ATG10: variants seen among roughly 807,000 people sequenced by gnomAD.
The protein encoded by ATG10 is ubiquitin-like-conjugating enzyme ATG10.
ATG10 carries 30 observed loss-of-function variants against 32.1 expected under a neutral mutation model. The observed-to-expected ratio is 0.94, with a 90% confidence interval of 0.70 to 1.27. The LOEUF is 1.27. Ranked by LOEUF, ATG10 falls within the 50% of genes most tolerant of loss-of-function variation. The pLI is 0.00. For missense variants in ATG10, 233 were observed against 262.3 expected, an observed-to-expected ratio of 0.89 and a Z score of 0.77; for synonymous variants, 87 against 91.5, an observed-to-expected ratio of 0.95 and a Z score of 0.28.
chr5:82,139,811 C>T (rs62365413), intron 3 of ATG10, among the ~76,000 whole-genome samples: 4 of 138,506 alleles, frequency 2.9e-5, no homozygotes, highest in African/African-American at 8.2e-5. Context: ...CCCCTCAGCC[C>T]GGCCAGCCAC....
chr5:82,008,093 A>G (rs1332152176), intron 2 of ATG10, among the ~76,000 whole-genome samples: 1 of 152,074 alleles, frequency 6.6e-6, no homozygotes, highest in Non-Finnish European at 1.5e-5. Context: ...CTTCCAGTTT[A>G]CCTTATAGAT....
intron 5 of ATG10, among the ~76,000 whole-genome samples, chr5:82,220,158 G>A (rs1745857667): frequency 1.3e-5 from 2 of 152,210 alleles, no homozygotes; most frequent in Admixed American, 6.5e-5. Flanking sequence ...TGAGCAGTGC[G>A]TGCAGGGTCA....
chr5:82,245,885 A>C (rs1217460329), intron 5 of ATG10, among the ~76,000 whole-genome samples: 1 of 152,132 alleles, frequency 6.6e-6, no homozygotes. Flanking sequence ...TTGAGTGTTG[A>C]AGCATGTACA....
At chr5:82,234,086 G>A (rs1581834047) in intron 5 of ATG10, among the ~76,000 whole-genome samples, 2 of 152,144 alleles carry the variant, frequency 1.3e-5, no homozygotes, top group South Asian at 4.1e-4. Context: ...GGCGATTTTA[G>A]TAAGATTTGT....
At chr5:82,096,667 T>C (rs1765075981) in intron 3 of ATG10, among the ~76,000 whole-genome samples, 1 of 152,166 alleles carries the variant, frequency 6.6e-6, no homozygotes, top group South Asian at 2.1e-4. Context: ...TCAGTGTCTG[T>C]TCACTGATAT....
chr5:82,065,887 C>T (rs1763928897), intron 3 of ATG10, among the ~76,000 whole-genome samples: 2 of 151,952 alleles, frequency 1.3e-5, no homozygotes, highest in South Asian at 4.2e-4. Flanking sequence ...TGCAAAATAG[C>T]TGCTAAACTT....
chr5:81,975,306 G>T (rs1760837310), intron 1 of ATG10, among the ~76,000 whole-genome samples: 1 of 152,212 alleles, frequency 6.6e-6, no homozygotes, highest in Admixed American at 6.5e-5. Flanking sequence ...ACTTTGAGAA[G>T]AATGTGTATT....
chr5:81,978,678 T>G (rs1430051003), intron 1 of ATG10, among the ~76,000 whole-genome samples: 2 of 152,066 alleles, frequency 1.3e-5, no homozygotes, highest in Non-Finnish European at 2.9e-5. Context: ...TTTGTTTGTT[T>G]TAGAGACAGG....
chr5:82,040,979 T>C (rs1232584338), intron 2 of ATG10, among the ~76,000 whole-genome samples: 1 of 152,186 alleles, frequency 6.6e-6, no homozygotes, highest in Admixed American at 6.5e-5. Flanking sequence ...TTTTACTTTA[T>C]TTAGATGCCT....
In ATG10 at chr5:82,031,377, C is replaced by CTAT. The variant is rs527684933; in HGVS notation, c.109-27118_109-27117insTAT. On this transcript the variant is annotated intron_variant, in intron 2 of 7. Coordinates refer to ENST00000282185, the MANE Select transcript of ATG10 (RefSeq NM_031482.5). ...TGTTGCTAGTGTATCCAGAGCAACA[C>CTAT]ACATAGGTTATCAAGACCTTGGAGC... Among the ~76,000 whole-genome samples, 20 of 152,230 alleles carry CTAT rather than the reference C, an allele frequency of 1.3e-4. No homozygotes were observed. The South Asian group carries it at 4.2e-3, about 32-fold the overall frequency.
At chr5:82,022,415 A>C (rs1762468826) in intron 2 of ATG10, among the ~76,000 whole-genome samples, 1 of 142,376 alleles carries the variant, frequency 7.0e-6, no homozygotes, top group African/African-American at 2.6e-5. Flanking sequence ...TGCAGCCTCC[A>C]CCTCCCAGGT....
chr5:82,079,337 AAG>A (rs896840617), intron 3 of ATG10, among the ~76,000 whole-genome samples: 8 of 151,988 alleles, frequency 5.3e-5, no homozygotes, highest in African/African-American at 1.7e-4. Flanking sequence ...GCAGCAGGCA[AAG>A]AGAGAGAGAG....
intron 3 of ATG10, among the ~76,000 whole-genome samples, chr5:82,131,669 C>A (rs1404605305): frequency 6.6e-6 from 1 of 151,168 alleles, no homozygotes; most frequent in Non-Finnish European, 1.5e-5. Flanking sequence ...CACTTTCTAG[C>A]CCTGTGATCT....
chr5:82,081,187 G>C (rs1764467058), intron 3 of ATG10, among the ~76,000 whole-genome samples: 1 of 152,196 alleles, frequency 6.6e-6, no homozygotes, highest in Admixed American at 6.5e-5. Context: ...AAGAATGCTT[G>C]TGATTTTTGC....
Position 82,164,448 on chromosome 5 carries a change from C to T in ATG10, c.266C>T (p.Ala89Val). The T allele has an allele frequency of 1.2e-6, 2 of 1,613,818 alleles. No individual in the cohort carries two copies. Among genetic ancestry groups the T allele is most frequent in the Non-Finnish European group, 1.7e-6 (2 of 1,179,792 alleles). ...GATTGTGAAGTGATTGAAACTGCAG[C>T]AGCGTCCGAAGTGATTAAATATGAG... ...LDDCEVIETA[A>V]ASEVIKYEYH... Residue 89 changes from alanine (A) to valine (V), a missense_variant, in exon 4 of 8, where the codon GCA (alanine) becomes GTA (valine). Physicochemically the swap from Ala to Val is moderately conservative, Grantham distance 64. Coordinates refer to ENST00000282185, the MANE Select transcript of ATG10 (RefSeq NM_031482.5).
rs566187000 is a variant in ATG10 at position 82,085,167 on chromosome 5, G to A, written c.216+26565G>A. On this transcript the variant is annotated intron_variant, in intron 3 of 7. Coordinates refer to ENST00000282185, the MANE Select transcript of ATG10 (RefSeq NM_031482.5). Reference sequence around the variant, plus strand: ...CCAAGCAAATGGAAAACAAAAAAAAGCAGGGGTTGCAATCCTAGTCTCTGA... The same window carrying A: ...CCAAGCAAATGGAAAACAAAAAAAAACAGGGGTTGCAATCCTAGTCTCTGA... 1.6e-4 allele frequency among the ~76,000 whole-genome samples: 24 copies of A among 152,090 alleles called. No individual in the cohort carries two copies. In the South Asian group the frequency reaches 5.0e-3, roughly 32 times the overall value.
intron 2 of ATG10, chr5:82,009,961 C>G (rs1762083920): frequency 1.2e-6 from 2 of 1,611,708 alleles, no homozygotes; most frequent in African/African-American, 1.3e-5. Flanking sequence ...TAACCAAATC[C>G]TTTCTCTCCA....
At chr5:82,179,695 C>T (rs887372667) in intron 5 of ATG10, among the ~76,000 whole-genome samples, 1 of 152,006 alleles carries the variant, frequency 6.6e-6, no homozygotes, top group African/African-American at 2.4e-5. Context: ...TTACTTATAT[C>T]AAAAATATTA....
At chr5:82,129,844 G>A (rs1033671897) in intron 3 of ATG10, among the ~76,000 whole-genome samples, 1 of 152,268 alleles carries the variant, frequency 6.6e-6, no homozygotes, top group Middle Eastern at 3.4e-3. Context: ...TGAGGAGGCG[G>A]TCTGTCCCTT....
Sources: gnomAD v4.1 joint callset for allele counts (sites outside exome capture counted in the v4.1 genomes callset) on GRCh38, gnomAD v4.1.1 for gene constraint, MANE v1.5 for transcripts, NCBI Gene and HGNC (gene_info 2026-07-23, HGNC 2026-07-21) for gene names.